Variants in PCDHGB6 observed in about 807,000 individuals in gnomAD.
PCDHGB6 encodes protocadherin gamma-B6.
A neutral mutation model predicts 59.1 loss-of-function variants in PCDHGB6; 51 were observed. That is an observed-to-expected ratio of 0.86 (90% CI 0.69 to 1.09). The LOEUF (loss-of-function observed/expected upper bound fraction) is 1.09. Among genes scored for constraint, PCDHGB6 ranks in the 50% least tolerant of loss-of-function variants. The pLI is 0.00. For synonymous variants in PCDHGB6, 466 were observed against 495.1 expected (o/e 0.94, Z 0.78); for missense variants, 1,148 against 1,205.1 (o/e 0.95, Z 0.70).
chr5:141,478,336 C>T, intron 1 of PCDHGB6: 2 of 1,613,950 alleles, frequency 1.2e-6, no homozygotes, highest in South Asian at 2.2e-5. Context: ...CACCAGGGCC[C>T]TCCTTGCACG....
intron 1 of PCDHGB6, chr5:141,415,035 C>G (rs368588973): frequency 5.6e-6 from 9 of 1,613,578 alleles, no homozygotes; most frequent in South Asian, 1.1e-5. Context: ...AGCCGGGACT[C>G]TTCGCGGTGG....
intron 2 of PCDHGB6, among the ~76,000 whole-genome samples, chr5:141,497,880 T>C (rs2099780200): frequency 6.6e-6 from 1 of 152,170 alleles, no homozygotes; most frequent in Non-Finnish European, 1.5e-5. Context: ...GAAATAAGCG[T>C]TAGGATCTAG....
At chr5:141,463,610 G>A (rs189991450) in intron 1 of PCDHGB6, among the ~76,000 whole-genome samples, 2 of 151,672 alleles carry the variant, frequency 1.3e-5, no homozygotes, top group Admixed American at 6.6e-5. Flanking sequence ...CACCATGCCC[G>A]GCTAATTTTT....
At chr5:141,441,862 G>A (rs2098280399) in intron 1 of PCDHGB6, 3 of 342,456 alleles carry the variant, frequency 8.8e-6, no homozygotes, top group Non-Finnish European at 1.1e-5. Context: ...GCTGCACGCC[G>A]CGGAGCCTGG....
chr5:141,418,914 T>C (rs1200050684), intron 1 of PCDHGB6: 4 of 1,613,964 alleles, frequency 2.5e-6, no homozygotes, highest in East Asian at 2.2e-5. Context: ...ATCACGTCAC[T>C]CTCTGATCAG....
intron 1 of PCDHGB6, among the ~76,000 whole-genome samples, chr5:141,467,854 T>C (rs1337373000): frequency 6.6e-6 from 1 of 151,968 alleles, no homozygotes; most frequent in Admixed American, 6.6e-5. Flanking sequence ...GAATGAGATT[T>C]CACCATGTTG....
At chr5:141,505,282 G>C (rs73280377) in intron 2 of PCDHGB6, 111 bp from the exon 3 acceptor site, 37,017 of 1,544,812 alleles carry the variant, frequency 0.024, 1,115 homozygotes, top group African/African-American at 0.15. Context: ...AACAGGTCTT[G>C]GGCATGGGGT....
intron 1 of PCDHGB6, chr5:141,415,649 A>T: frequency 1.9e-6 from 3 of 1,597,710 alleles, no homozygotes; most frequent in Non-Finnish European, 2.6e-6. Context: ...GTTAAAAAAA[A>T]AAAGATTGGT....
chr5:141,497,693 C>T (rs2099778709), intron 2 of PCDHGB6, among the ~76,000 whole-genome samples: 2 of 152,136 alleles, frequency 1.3e-5, no homozygotes, highest in Admixed American at 6.5e-5. Context: ...GTGTGCACCA[C>T]CACACCCAGC....
intron 3 of PCDHGB6, among the ~76,000 whole-genome samples, chr5:141,508,506 C>G (rs2099869342): frequency 6.6e-6 from 1 of 152,180 alleles, no homozygotes; most frequent in Admixed American, 6.5e-5. Context: ...TCTCTCCCTC[C>G]TGGTCCAGCC....
chr5:141,419,763 A>T, intron 1 of PCDHGB6: 1 of 1,614,014 alleles, frequency 6.2e-7, no homozygotes, highest in South Asian at 1.1e-5. Flanking sequence ...TTGGGTGACA[A>T]GGACTCGGTC....
intron 3 of PCDHGB6, among the ~76,000 whole-genome samples, chr5:141,510,373 T>TC (rs112437269): frequency 0.25 from 37,727 of 151,394 alleles, 4,765 homozygotes; most frequent in Admixed American, 0.33. Context: ...GAATCTCTAC[T>TC]CGTGCCAGGC....
intron 1 of PCDHGB6, chr5:141,415,222 G>C (rs2095844564): frequency 1.2e-6 from 2 of 1,613,990 alleles, no homozygotes; most frequent in African/African-American, 2.7e-5. Context: ...CGGCAGCTTC[G>C]AGTCTCCAGC....
At chr5:141,427,838 C>T (rs978867590) in intron 1 of PCDHGB6, 4 of 1,546,186 alleles carry the variant, frequency 2.6e-6, no homozygotes, top group Non-Finnish European at 1.8e-6. Flanking sequence ...AGCGTGCCTT[C>T]GACCACGAGC....
chr5:141,448,103 A>G (rs1252710550), intron 1 of PCDHGB6, among the ~76,000 whole-genome samples: 2 of 151,992 alleles, frequency 1.3e-5, no homozygotes, highest in Non-Finnish European at 2.9e-5. Context: ...AAAAAATTAA[A>G]AGAAAAGAAA....
chr5:141,415,406 T>G, intron 1 of PCDHGB6: 1 of 1,614,208 alleles, frequency 6.2e-7, no homozygotes. Flanking sequence ...GGCTCGCACT[T>G]TGTGGGCGTG....
intron 1 of PCDHGB6, chr5:141,419,244 C>T (rs2096349736): frequency 1.2e-6 from 2 of 1,614,008 alleles, no homozygotes; most frequent in Non-Finnish European, 1.7e-6. Context: ...GTCCACGTGC[C>T]AGAAAACAAC....
chr5:141,483,661 T>TGTGTGA (rs1357903548), intron 1 of PCDHGB6, among the ~76,000 whole-genome samples: 7 of 152,042 alleles, frequency 4.6e-5, no homozygotes, highest in African/African-American at 1.7e-4. Context: ...TGTGTGTGTG[T>TGTGTGA]GTGTGTGTAA....
In PCDHGB6 at chr5:141,487,761, C is replaced by T. The variant is rs1331182183; in HGVS notation, c.2419-7046C>T. Reference sequence around the variant, plus strand: ...GTAAGAGGTAACTATGTGGTAGACGCTGTGCTTTGTAACTGTTTCGTGAAT... The same window carrying T: ...GTAAGAGGTAACTATGTGGTAGACGTTGTGCTTTGTAACTGTTTCGTGAAT... On this transcript the variant is annotated intron_variant, in intron 1 of 3. Coordinates refer to ENST00000520790, the MANE Select transcript of PCDHGB6 (RefSeq NM_018926.3). The surrounding 1 kb of genome is among the most constrained non-coding windows in gnomAD (Gnocchi z 5.0). 3.2e-6 allele frequency: 5 copies of T among 1,545,926 alleles called. No individual in the cohort carries two copies. Among genetic ancestry groups the T allele is most frequent in the South Asian group, 1.2e-5 (1 of 83,534 alleles).
Sources: gnomAD v4.1 joint callset for allele counts (sites outside exome capture counted in the v4.1 genomes callset) on GRCh38, gnomAD v4.1.1 for gene constraint, Gnocchi (gnomAD v3.1) non-coding constraint, MANE v1.5 for transcripts, NCBI Gene and HGNC (gene_info 2026-07-23, HGNC 2026-07-21) for gene names.